Variants in EPB41L4B observed in about 807,000 individuals in gnomAD.
EPB41L4B encodes erythrocyte membrane protein band 4.1 like 4B.
In EPB41L4B, 30 loss-of-function variants were observed where a neutral mutation model predicts 112.5. The observed-to-expected ratio is 0.27, with a 90% CI of 0.20 to 0.36. The LOEUF is 0.36. Among genes scored for constraint, EPB41L4B ranks in the 10% least tolerant of loss-of-function variants. The pLI is 1.00. For synonymous variants in EPB41L4B, 408 were observed against 439.7 expected (o/e 0.93, Z 0.90); for missense variants, 1,024 against 1,133.3 (o/e 0.90, Z 1.38).
intron 15 of EPB41L4B, among the ~76,000 whole-genome samples, chr9:109,232,749 G>C (rs1833997571): frequency 6.6e-6 from 1 of 152,234 alleles, no homozygotes; most frequent in Non-Finnish European, 1.5e-5. Context: ...GTCAGAGTTG[G>C]AGCTGAACAC....
chr9:109,190,517 C>T (rs1267423030), intron 22 of EPB41L4B, among the ~76,000 whole-genome samples: 1 of 152,240 alleles, frequency 6.6e-6, no homozygotes, highest in Non-Finnish European at 1.5e-5. Context: ...CCTCATGCTC[C>T]ACTCAGCAAC....
At chr9:109,309,762 AGAGAGAG>A (rs1837346635) in intron 1 of EPB41L4B, among the ~76,000 whole-genome samples, 1 of 145,764 alleles carries the variant, frequency 6.9e-6, no homozygotes, top group African/African-American at 2.5e-5. Context: ...ACACAGAGAG[AGAGAGAG>A]AGAGAGAGAG....
In EPB41L4B at chr9:109,174,524, T is replaced by C; in HGVS notation, c.*30A>G. The C allele has an allele frequency of 6.3e-7, 1 of 1,593,116 alleles. No individual in the cohort carries two copies. The highest frequency in any genetic ancestry group is 8.6e-7 in the Non-Finnish European group (1 of 1,160,808). Reference sequence around the variant, plus strand: ...GAAAGAAGACGGACAGAAGGCACCATGCCATCTTCCAGGTGACAAGGGGAG... The same window carrying C: ...GAAAGAAGACGGACAGAAGGCACCACGCCATCTTCCAGGTGACAAGGGGAG... On this transcript the variant is annotated 3_prime_UTR_variant, in exon 26 of 26. Coordinates refer to ENST00000374566, the MANE Select transcript of EPB41L4B (RefSeq NM_019114.5).
chr9:109,263,505 T>G (rs1234548133), intron 5 of EPB41L4B, among the ~76,000 whole-genome samples: 1 of 152,226 alleles, frequency 6.6e-6, no homozygotes, highest in Non-Finnish European at 1.5e-5. Flanking sequence ...AACAAGGTCA[T>G]AGCGTTAAAA....
intron 15 of EPB41L4B, among the ~76,000 whole-genome samples, chr9:109,224,485 A>T (rs1833695081): frequency 6.6e-6 from 1 of 152,198 alleles, no homozygotes; most frequent in East Asian, 1.9e-4. Context: ...AAACATCTAG[A>T]ATAGGCAAAT....
At position 109,314,487 on chromosome 9, in the gene EPB41L4B, A is replaced by C. The variant is rs547720051; in HGVS notation, c.306+5654T>G. ...TGTAGGGTCATGTTACCGGCACTGG[A>C]GAGGCTAGGCTGCGGCCCCTTCCCC... On this transcript the variant is annotated intron_variant, in intron 1 of 25. Coordinates refer to ENST00000374566, the MANE Select transcript of EPB41L4B (RefSeq NM_019114.5). Among the ~76,000 whole-genome samples the C allele has an allele frequency of 1.1e-4, 17 of 152,198 alleles. 1 individual carries two copies. The South Asian group carries it at 3.5e-3, about 32-fold the overall frequency.
chr9:109,277,616 G>C (rs2119125284), intron 2 of EPB41L4B, among the ~76,000 whole-genome samples: 1 of 152,298 alleles, frequency 6.6e-6, no homozygotes, highest in Non-Finnish European at 1.5e-5. Flanking sequence ...GCAACGCCTG[G>C]CAGGCTGGGA....
intron 14 of EPB41L4B, among the ~76,000 whole-genome samples, chr9:109,245,467 A>T (rs1834518541): frequency 1.3e-5 from 2 of 152,224 alleles, no homozygotes; most frequent in African/African-American, 4.8e-5. Flanking sequence ...CTGGTTCTCA[A>T]CTGGTACACT....
chr9:109,259,585 C>G (rs1035891635), intron 6 of EPB41L4B, among the ~76,000 whole-genome samples: 1 of 152,138 alleles, frequency 6.6e-6, no homozygotes, highest in African/African-American at 2.4e-5. Context: ...GATCCCAACC[C>G]TATCATAATC....
At chr9:109,257,573 G>A (rs899617422) in intron 7 of EPB41L4B, among the ~76,000 whole-genome samples, 1 of 152,212 alleles carries the variant, frequency 6.6e-6, no homozygotes, top group African/African-American at 2.4e-5. Flanking sequence ...GTATGTGAGA[G>A]TGCCTGGGAT....
chr9:109,173,870 A>G lies in EPB41L4B; in HGVS notation c.*684T>C, dbSNP rs1564242158. 2.6e-5 allele frequency: 4 copies of G among 152,378 alleles called. No individual in the cohort carries two copies. The highest frequency in any genetic ancestry group is 9.6e-5 in the African/African-American group (4 of 41,474). The allele number at this position is 152,378 out of a possible 1,614,324, so 9.4% of individuals were successfully genotyped here. On this transcript the variant is annotated 3_prime_UTR_variant, in exon 26 of 26. Coordinates refer to ENST00000374566, the MANE Select transcript of EPB41L4B (RefSeq NM_019114.5). ...AATCTTCTTGATATTGAATCATCTT[A>G]ACCTTGTAAGGATTTTTAGACAATG...
chr9:109,236,679 C>T (rs753537700), intron 15 of EPB41L4B, among the ~76,000 whole-genome samples: 18 of 152,170 alleles, frequency 1.2e-4, no homozygotes, highest in Non-Finnish European at 2.2e-4. Flanking sequence ...GGCCTATTTG[C>T]AGAACTATTG....
Position 109,203,712 on chromosome 9 carries a change from G to T in EPB41L4B, c.1897C>A (p.Pro633Thr). The T allele has an allele frequency of 6.2e-7, 1 of 1,613,932 alleles. No homozygotes were observed. The highest frequency in any genetic ancestry group is 8.5e-7 in the Non-Finnish European group (1 of 1,179,836). The change falls in exon 19 of 26, where the codon CCG (proline) becomes ACG (threonine). Residue 633 changes from proline (P) to threonine (T), a missense_variant. Transcript: ENST00000374566. ...VNIQGGKEESPFVNINKKSSL... is the reference protein window; with the variant it reads ...VNIQGGKEESTFVNINKKSSL... ...GATTTCTTATTGATATTTACAAACG[G>T]TGATTCCTCCTTTCCACCCTGTTAA...
chr9:109,312,233 C>T (rs1012649871), intron 1 of EPB41L4B, among the ~76,000 whole-genome samples: 1 of 152,178 alleles, frequency 6.6e-6, no homozygotes, highest in African/African-American at 2.4e-5. Flanking sequence ...AAAGTGAAAC[C>T]AACCAGTTGC....
chr9:109,195,191 C>T (rs917084055), intron 20 of EPB41L4B, among the ~76,000 whole-genome samples: 1 of 152,162 alleles, frequency 6.6e-6, no homozygotes, highest in Non-Finnish European at 1.5e-5. Flanking sequence ...TGTAGAGCTT[C>T]TGGAGCCACC....
At chr9:109,268,079 A>G (rs1440983343) in intron 3 of EPB41L4B, among the ~76,000 whole-genome samples, 1 of 152,218 alleles carries the variant, frequency 6.6e-6, no homozygotes, top group Non-Finnish European at 1.5e-5. Context: ...CTATGTTGTA[A>G]CTCATTAGAA....
chr9:109,209,975 T>C (rs1247915820), intron 17 of EPB41L4B, among the ~76,000 whole-genome samples: 2 of 152,222 alleles, frequency 1.3e-5, no homozygotes, highest in Non-Finnish European at 2.9e-5. Context: ...TCCCCTTCAA[T>C]TCTCTGAATC....
At chr9:109,179,545 G>T (rs1831975726) in intron 24 of EPB41L4B, among the ~76,000 whole-genome samples, 1 of 152,116 alleles carries the variant, frequency 6.6e-6, no homozygotes, top group South Asian at 2.1e-4. Flanking sequence ...TTACAGACTT[G>T]GATTTCCAAC....
intron 23 of EPB41L4B, among the ~76,000 whole-genome samples, chr9:109,184,506 A>T (rs1174010110): frequency 6.6e-6 from 1 of 152,260 alleles, no homozygotes; most frequent in South Asian, 2.1e-4. Context: ...GGCGTGAGCC[A>T]CTGTGCCCTG....
Sources: gnomAD v4.1 joint callset for allele counts (sites outside exome capture counted in the v4.1 genomes callset) on GRCh38, gnomAD v4.1.1 for gene constraint, MANE v1.5 for transcripts, NCBI Gene and HGNC (gene_info 2026-07-23, HGNC 2026-07-21) for gene names.